GSTM4: variants seen among roughly 807,000 people sequenced by gnomAD.
GSTM4 encodes GST class-mu 4.
In GSTM4, 27 loss-of-function variants were observed where a neutral mutation model predicts 30.1. The ratio of observed to expected loss-of-function variants is 0.90; its 90% CI spans 0.66 to 1.24. The LOEUF (loss-of-function observed/expected upper bound fraction) is 1.24, where lower values mean the gene tolerates loss of function less well. Among genes scored for constraint, GSTM4 ranks in the 50% most tolerant of loss-of-function variants. The pLI is 0.00. For synonymous variants in GSTM4, 94 were observed against 96.2 expected, an observed-to-expected ratio of 0.98 and a Z score of 0.13; for missense variants, 238 against 272.1, an observed-to-expected ratio of 0.87 and a Z score of 0.88.
intron 5 of GSTM4, chr1:109,658,339 G>C: frequency 4.7e-6 from 1 of 213,308 alleles, no homozygotes; most frequent in Non-Finnish European, 9.4e-6. Context: ...GCTCAGGGGC[G>C]GCCAGAGGGC....
chr1:109,658,669 T>C (rs1652149622), intron 5 of GSTM4, 145 bp from the exon 6 acceptor site: 1 of 687,196 alleles, frequency 1.5e-6, no homozygotes, highest in Non-Finnish European at 2.7e-6. Context: ...TAATAAATGC[T>C]GGTATGTCCA....
intron 5 of GSTM4, 104 bp downstream of exon 5, chr1:109,657,976 T>A (rs1652113913): frequency 2.1e-6 from 2 of 942,074 alleles, no homozygotes; most frequent in Admixed American, 4.0e-5. Context: ...CTCTGAGGGT[T>A]CCCTGTACTG....
chr1:109,666,058 T>C (rs1274133029), downstream of GSTM4, among the ~76,000 whole-genome samples: 8 of 152,222 alleles, frequency 5.3e-5, no homozygotes, highest in Non-Finnish European at 2.9e-5. Flanking sequence ...CTACACACGA[T>C]AGTCAGGTAG....
At chr1:109,660,455 G>C (rs1199516493) in intron 7 of GSTM4, 1 of 153,796 alleles carries the variant, frequency 6.5e-6, no homozygotes, top group East Asian at 1.9e-4. Context: ...CAGGTGGGGA[G>C]GTTTAGACTT....
Position 109,659,016 on chromosome 1 carries a change from T to C in GSTM4, c.473T>C (p.Phe158Ser). Residue 158 changes from phenylalanine (F) to serine (S), a missense_variant, in exon 7 of 8, where the codon TTC (phenylalanine) becomes TCC (serine). Coordinates refer to ENST00000369836, the MANE Select transcript of GSTM4 (RefSeq NM_000850.5). ...CTTCTGCAGATCACCTTTGTAGATTTCCTCGCCTATGATGTCCTTGACCTC... is the reference window on the plus strand; with the variant it reads ...CTTCTGCAGATCACCTTTGTAGATTCCCTCGCCTATGATGTCCTTGACCTC... The part of the protein sequence containing the change: ...FVGDKITFVD[F>S]LAYDVLDLHR... 1 of 1,614,214 alleles carries C rather than the reference T, an allele frequency of 6.2e-7. No individual in the cohort carries two copies. The highest frequency in any genetic ancestry group is 8.5e-7 in the Non-Finnish European group (1 of 1,180,032).
At position 109,659,219 on chromosome 1, in the gene GSTM4, G is replaced by A. The variant is rs772313324; in HGVS notation, c.567+109G>A. On this transcript the variant is annotated intron_variant, in intron 7 of 7. Transcript: ENST00000369836. ...AAAGAATAACTTGCATTTATTGAGT[G>A]CTGGCTTCATGCCAGGAACCTTGCC... 6.2e-6 allele frequency: 10 copies of A among 1,613,846 alleles called. No homozygotes were observed. The East Asian group carries it at 1.1e-4, about 18-fold the overall frequency.
rs779712597 is a variant in GSTM4, at chr1:109,656,387, AT to A, written c.-2del. On this transcript the variant is annotated 5_prime_UTR_variant, in exon 1 of 8. Coordinates refer to ENST00000369836, the MANE Select transcript of GSTM4 (RefSeq NM_000850.5). ...GTCTGCAGAATCGACACCAACCAGC[AT>A]CATGTCCATGACACTGGGGTACTGG... The A allele has an allele frequency of 1.9e-5, 30 of 1,613,104 alleles. No homozygotes were observed. The highest frequency in any genetic ancestry group is 2.3e-5 in the Non-Finnish European group (27 of 1,179,328).
downstream of GSTM4, among the ~76,000 whole-genome samples, chr1:109,662,064 C>T (rs1019604409): frequency 1.3e-5 from 2 of 152,128 alleles, no homozygotes; most frequent in East Asian, 1.9e-4. Flanking sequence ...TGAGCTCAAG[C>T]GATCCTCTTA....
chr1:109,658,971 C>G, intron 6 of GSTM4, 29 bp from the exon 7 acceptor site: 1 of 1,613,132 alleles, frequency 6.2e-7, no homozygotes, highest in Non-Finnish European at 8.5e-7. Flanking sequence ...TACAGAGATT[C>G]CAGCCCACAC....
At chr1:109,659,466 A>C (rs1652200991) in intron 7 of GSTM4, 2 of 1,138,238 alleles carry the variant, frequency 1.8e-6, no homozygotes, top group East Asian at 5.3e-5. Flanking sequence ...AAGAAGCCTC[A>C]GGCCTCATCC....
At chr1:109,661,789 G>A, downstream of GSTM4, 1 of 821,588 alleles carries the variant, frequency 1.2e-6, no homozygotes, top group Non-Finnish European at 1.5e-6. Context: ...GACCCTGGCA[G>A]TAGCTGGGTT....
downstream of GSTM4, among the ~76,000 whole-genome samples, chr1:109,663,788 T>C (rs895835185): frequency 2.6e-5 from 4 of 152,250 alleles, no homozygotes; most frequent in African/African-American, 9.6e-5. Context: ...CTTTCCCTCA[T>C]AAGATGTCAA....
downstream of GSTM4, among the ~76,000 whole-genome samples, chr1:109,666,056 G>T (rs1261789112): frequency 1.3e-5 from 2 of 152,174 alleles, no homozygotes; most frequent in African/African-American, 2.4e-5. Flanking sequence ...TTCTACACAC[G>T]ATAGTCAGGT....
rs1652310587 is a variant in GSTM4 at position 109,661,369 on chromosome 1, T to A, written c.*115T>A. On this transcript the variant is annotated 3_prime_UTR_variant, in exon 8 of 8. Transcript: ENST00000369836. ...CCTGCCTCCTCGTTCCTTTCTCCTG[T>A]TTATTCCCATCTTTACCCCCAAGAC... 6.4e-7 allele frequency: 1 copy of A among 1,570,918 alleles called. No homozygotes were observed. The highest frequency in any genetic ancestry group is 8.6e-7 in the Non-Finnish European group (1 of 1,157,256).
chr1:109,661,261 G>C lies in GSTM4; in HGVS notation c.*7G>C. ...TGTCTGGGGCAACAAGTAATGCCTT[G>C]AAGGCCAGGAGGTGGGAGTGAGGAG... On this transcript the variant is annotated 3_prime_UTR_variant, in exon 8 of 8. Transcript: ENST00000369836. The C allele has an allele frequency of 6.2e-7, 1 of 1,612,218 alleles. No individual in the cohort carries two copies. Among genetic ancestry groups the C allele is most frequent in the South Asian group, 1.1e-5 (1 of 91,088 alleles).
chr1:109,661,780 A>T (rs1652335473), downstream of GSTM4: 28 of 882,718 alleles, frequency 3.2e-5, no homozygotes, highest in Non-Finnish European at 3.9e-5. Flanking sequence ...CTGGCTGGTG[A>T]CCCTGGCAGT....
intron 7 of GSTM4, 81 bp from the exon 8 acceptor site, chr1:109,661,084 C>T: frequency 1.3e-6 from 2 of 1,570,382 alleles, no homozygotes; most frequent in Non-Finnish European, 1.7e-6. Context: ...AGGGCCCTGA[C>T]CTGCTGTGTC....
At chr1:109,658,953 T>A in intron 6 of GSTM4, 44 bp downstream of exon 6, 1 of 1,612,598 alleles carries the variant, frequency 6.2e-7, no homozygotes, top group South Asian at 1.1e-5. Flanking sequence ...TTGCCATACA[T>A]CCTACGTTAC....
At chr1:109,663,268 G>A (rs901099729), downstream of GSTM4, among the ~76,000 whole-genome samples, 2 of 152,190 alleles carry the variant, frequency 1.3e-5, no homozygotes, top group African/African-American at 4.8e-5. Context: ...AGTGCTGTAA[G>A]TTTTCTCTCT....
Sources: gnomAD v4.1 joint callset for allele counts (sites outside exome capture counted in the v4.1 genomes callset) on GRCh38, gnomAD v4.1.1 for gene constraint, MANE v1.5 for transcripts, NCBI Gene and HGNC (gene_info 2026-07-23, HGNC 2026-07-21) for gene names.